Variants in TALDO1 observed in about 807,000 individuals in gnomAD.
TALDO1 encodes the protein transaldolase.
In TALDO1, 29 loss-of-function variants were observed where a neutral mutation model predicts 38.1. That is an observed-to-expected ratio of 0.76 (90% CI 0.57 to 1.04). The LOEUF is 1.04. Ranked by LOEUF, TALDO1 falls within the 50% of genes least tolerant of loss-of-function variation. The pLI, the probability that TALDO1 is intolerant of heterozygous loss-of-function variation, is 0.00. For missense variants in TALDO1, 499 were observed against 438.1 expected, an observed-to-expected ratio of 1.14 and a Z score of -1.24; for synonymous variants, 207 against 176.8, an observed-to-expected ratio of 1.17 and a Z score of -1.36.
rs901184386 is a variant in TALDO1 at position 765,005 on chromosome 11, A to G, written c.*160A>G. The G allele has an allele frequency of 1.1e-6, 1 of 923,066 alleles. No individual in the cohort carries two copies. Among genetic ancestry groups the G allele is most frequent in the Non-Finnish European group, 1.7e-6 (1 of 585,808 alleles). The allele number at this position is 923,066 out of a possible 1,614,324, so 57.2% of individuals were successfully genotyped here. A position where few individuals can be genotyped will look rare whatever the true frequency, so the allele number is the denominator to read the frequency against. ...TTTTGCCTAATACATTAAAGCAGTC[A>G]CTTTTCCTGTGCTGTTTCATTCACT... On this transcript the variant is annotated 3_prime_UTR_variant, in exon 8 of 8. Transcript: ENST00000319006.
At chr11:760,057 C>A in intron 3 of TALDO1, 65 bp from the exon 4 acceptor site, 1 of 1,608,966 alleles carries the variant, frequency 6.2e-7, no homozygotes, top group Non-Finnish European at 8.5e-7. Flanking sequence ...ACCCGGCCTC[C>A]AGCTTGCTCT....
intron 1 of TALDO1, among the ~76,000 whole-genome samples, chr11:751,594 G>A (rs1862752538): frequency 6.6e-6 from 1 of 152,098 alleles, no homozygotes; most frequent in Non-Finnish European, 1.5e-5. Context: ...AAGAGATCGA[G>A]ACCAGCCTGG....
In TALDO1 at chr11:755,133, GC is replaced by G. The variant is rs1301403171; in HGVS notation, c.98-744del. On this transcript the variant is annotated intron_variant, in intron 1 of 7. Coordinates refer to ENST00000319006, the MANE Select transcript of TALDO1 (RefSeq NM_006755.2). ...TGTGTCCTGAGTGCTTTTCCCCTTG[GC>G]CTTTTTTTTTTTTTTTTTTTTTTTT... Among the ~76,000 whole-genome samples, 202 of 133,684 alleles carry G rather than the reference GC, an allele frequency of 1.5e-3. 1 individual carries two copies. Among genetic ancestry groups the G allele is most frequent in the Non-Finnish European group, 1.9e-3 (123 of 64,424 alleles). 87.7% of individuals were successfully genotyped at this position (133,684 alleles called of 152,430 possible). A position where few individuals can be genotyped will look rare whatever the true frequency, so the allele number is the denominator to read the frequency against.
In TALDO1 at chr11:763,353, G is replaced by A. The variant is rs780857951; in HGVS notation, c.471G>A (p.Glu157=). 2.5e-6 allele frequency: 4 copies of A among 1,594,838 alleles called. No individual in the cohort carries two copies. Among genetic ancestry groups the A allele is most frequent in the African/African-American group, 2.8e-5 (2 of 72,270 alleles). ...WEGIQAGKEL[E]EQHGIHCNMT... is the part of the protein sequence containing the mutation. The stretch of plus-strand genomic sequence containing the variant: ...TGTCCCCGCCCCGCAGGGAGCTCGA[G>A]GAGCAGCACGGCATCCACTGCAACA... The change falls in exon 5 of 8, where the codon GAG becomes GAA. Residue 157 remains glutamate (E), a synonymous_variant. Transcript: ENST00000319006.
chr11:764,441 T>A lies in TALDO1; in HGVS notation c.981+8T>A. ...CTGGAGCGGATGCTGACAGTGAGTG[T>A]TGTGTGTGGGTACCTACATATGCCA... On this transcript the variant is annotated splice_region_variant and intron_variant, in intron 7 of 7. Coordinates refer to ENST00000319006, the MANE Select transcript of TALDO1 (RefSeq NM_006755.2). 1 of 1,613,828 alleles carries A rather than the reference T, an allele frequency of 6.2e-7. No individual in the cohort carries two copies.
intron 1 of TALDO1, among the ~76,000 whole-genome samples, chr11:755,148 T>C (rs1350623882): frequency 7.4e-6 from 1 of 134,440 alleles, no homozygotes; most frequent in East Asian, 2.2e-4. Flanking sequence ...TTTTTTTTTT[T>C]TTTTTTTTTT....
intron 1 of TALDO1, among the ~76,000 whole-genome samples, chr11:750,761 C>A (rs1034059264): frequency 6.6e-6 from 1 of 151,372 alleles, no homozygotes; most frequent in Non-Finnish European, 1.5e-5. Flanking sequence ...GGAGGCGGAG[C>A]TTGCAATGAG....
chr11:760,418 C>T, intron 4 of TALDO1, 165 bp downstream of exon 4: 1 of 1,003,588 alleles, frequency 1.0e-6, no homozygotes, highest in Non-Finnish European at 1.5e-6. Context: ...CCTAGATCTG[C>T]CCTCTGCTCC....
At chr11:754,879 T>G (rs1331289786) in intron 1 of TALDO1, among the ~76,000 whole-genome samples, 1 of 152,176 alleles carries the variant, frequency 6.6e-6, no homozygotes, top group Admixed American at 6.6e-5. Flanking sequence ...CAAGCGATCC[T>G]CCTGCCTCAG....
At chr11:747,617 C>G in intron 1 of TALDO1, 39 bp downstream of exon 1, 1 of 1,504,758 alleles carries the variant, frequency 6.6e-7, no homozygotes, top group Middle Eastern at 1.8e-4. Context: ...CGCAAGCGCC[C>G]TCCAGAGGCC....
intron 4 of TALDO1, chr11:760,628 C>T (rs1862911697): frequency 3.6e-6 from 1 of 276,802 alleles, no homozygotes; most frequent in Admixed American, 4.7e-5. Context: ...TATATGCTGG[C>T]TGGGCAAGAT....
intron 7 of TALDO1, 136 bp downstream of exon 7, chr11:764,569 G>A (rs952913519): frequency 3.6e-5 from 52 of 1,426,970 alleles, no homozygotes; most frequent in Non-Finnish European, 4.6e-5. Context: ...AGCAAGTGGG[G>A]CCTGTTGAGG....
chr11:757,762 G>C (rs1278215283), intron 2 of TALDO1, among the ~76,000 whole-genome samples: 1 of 152,228 alleles, frequency 6.6e-6, no homozygotes, highest in Non-Finnish European at 1.5e-5. Flanking sequence ...AAAAGATAGA[G>C]GGATGCAGTT....
intron 2 of TALDO1, 74 bp downstream of exon 2, chr11:756,076 C>G (rs1862832915): frequency 3.9e-6 from 6 of 1,548,006 alleles, no homozygotes. Flanking sequence ...CCCTCCCTAA[C>G]TGAATTTTAG....
chr11:763,511 A>G lies in TALDO1; in HGVS notation c.629A>G (p.Glu210Gly), dbSNP rs1181485719. 3 of 1,613,330 alleles carry G rather than the reference A, an allele frequency of 1.9e-6. No homozygotes were observed. The highest frequency in any genetic ancestry group is 2.5e-6 in the Non-Finnish European group (3 of 1,179,864). ...NTDKKSYEPL[E>G]DPGVKSVTKI... ...GACAAGAAATCCTATGAGCCCCTGG[A>G]AGACCCTGGTGAGGGTCCCTCTGTG... The change falls in exon 5 of 8, where the codon GAA becomes GGA. Residue 210 changes from glutamate to glycine, a missense_variant. Coordinates refer to ENST00000319006, the MANE Select transcript of TALDO1 (RefSeq NM_006755.2).
intron 4 of TALDO1, chr11:761,110 G>A (rs1461216724): frequency 6.6e-6 from 1 of 152,184 alleles, no homozygotes; most frequent in Non-Finnish European, 1.5e-5. Context: ...GAGGTGGGTA[G>A]ATCACCTGAG....
At chr11:757,934 C>T (rs1468201953) in intron 2 of TALDO1, among the ~76,000 whole-genome samples, 4 of 152,046 alleles carry the variant, frequency 2.6e-5, no homozygotes, top group Non-Finnish European at 4.4e-5. Flanking sequence ...CCTAAGAGTT[C>T]GAGAACAGTC....
chr11:755,084 G>A (rs964829858), intron 1 of TALDO1, among the ~76,000 whole-genome samples: 4 of 150,914 alleles, frequency 2.7e-5, no homozygotes, highest in African/African-American at 9.7e-5. Flanking sequence ...AGGCTTGCAG[G>A]TAATAATTTT....
intron 3 of TALDO1, 137 bp from the exon 4 acceptor site, chr11:759,985 G>C: frequency 8.2e-7 from 1 of 1,223,000 alleles, no homozygotes; most frequent in Non-Finnish European, 1.2e-6. Context: ...CCTCCAGTGA[G>C]GGGAAGGTTG....
Sources: gnomAD v4.1 joint callset for allele counts (sites outside exome capture counted in the v4.1 genomes callset) on GRCh38, gnomAD v4.1.1 for gene constraint, MANE v1.5 for transcripts, NCBI Gene and HGNC (gene_info 2026-07-23, HGNC 2026-07-21) for gene names.